Variants in ARHGEF12 observed in about 807,000 individuals in gnomAD.
The protein encoded by ARHGEF12 is Rho guanine nucleotide exchange factor 12.
Under a neutral mutation model 211.2 loss-of-function variants are expected in ARHGEF12, and 66 were observed. The observed-to-expected ratio is 0.31, with a 90% CI of 0.26 to 0.38. ARHGEF12 has a LOEUF of 0.38. Ranked by LOEUF, ARHGEF12 falls within the 10% of genes least tolerant of loss-of-function variation. The pLI is 1.00. For missense variants in ARHGEF12, 1,429 were observed against 1,869.5 expected, an observed-to-expected ratio of 0.76 and a Z score of 4.34; for synonymous variants, 592 against 638.4, an observed-to-expected ratio of 0.93 and a Z score of 1.09.
At chr11:120,403,992 C>T (rs1469569060) in intron 1 of ARHGEF12, among the ~76,000 whole-genome samples, 1 of 152,168 alleles carries the variant, frequency 6.6e-6, no homozygotes, top group Non-Finnish European at 1.5e-5. Flanking sequence ...ATCTTCCTTC[C>T]CTTCTGGGAC....
chr11:120,424,149 C>G lies in ARHGEF12; in HGVS notation c.349-209C>G, dbSNP rs148668389. On this transcript the variant is annotated intron_variant, in intron 6 of 40. Transcript: ENST00000397843. ...GTTGTACTGTTTTGTATGTCAAGGC[C>G]TCGGTTTATGTTTAAGTTCATTTTG... is the stretch of plus-strand genomic sequence containing the variant. Among the ~76,000 whole-genome samples, 336 of 151,954 alleles carry G rather than the reference C, an allele frequency of 2.2e-3. 1 individual carries two copies. In the Middle Eastern group the frequency reaches 0.027, roughly 12 times the overall value.
intron 26 of ARHGEF12, 90 bp from the exon 27 acceptor site, chr11:120,460,581 TA>T: frequency 9.5e-7 from 1 of 1,052,204 alleles, no homozygotes; most frequent in Non-Finnish European, 1.4e-6. Context: ...AAATCGTCTT[TA>T]TAAAAAAAAA....
chr11:120,348,734 G>A (rs1387943722), intron 1 of ARHGEF12, among the ~76,000 whole-genome samples: 3 of 152,072 alleles, frequency 2.0e-5, no homozygotes, highest in Non-Finnish European at 4.4e-5. Flanking sequence ...CCAGCTACTC[G>A]GGAGGCTGAG....
intron 1 of ARHGEF12, among the ~76,000 whole-genome samples, chr11:120,379,478 A>G (rs919498381): frequency 1.3e-5 from 2 of 151,772 alleles, no homozygotes; most frequent in Non-Finnish European, 2.9e-5. Flanking sequence ...CATTGTTCTC[A>G]ATCTTATGGA....
In ARHGEF12 at chr11:120,467,283, G is replaced by A; in HGVS notation, c.2829G>A (p.Leu943=). The A allele has an allele frequency of 6.2e-7, 1 of 1,612,164 alleles. No homozygotes were observed. Among genetic ancestry groups the A allele is most frequent in the Non-Finnish European group, 8.5e-7 (1 of 1,178,786 alleles). ...QMQRLTKYPL[L]LDNIAKYTEW... is the part of the protein sequence containing the mutation. Reference sequence around the variant, plus strand: ...AAAGGCTTACTAAGTACCCACTTCTGTTGGATAATATTGCCAAATACACAG... The same window carrying A: ...AAAGGCTTACTAAGTACCCACTTCTATTGGATAATATTGCCAAATACACAG... The change falls in exon 29 of 41, where the codon CTG becomes CTA. Residue 943 remains leucine, a synonymous_variant. Coordinates refer to ENST00000397843, the MANE Select transcript of ARHGEF12 (RefSeq NM_015313.3).
chr11:120,431,183 G>A (rs542601173), intron 10 of ARHGEF12, among the ~76,000 whole-genome samples: 48 of 152,104 alleles, frequency 3.2e-4, no homozygotes, highest in Admixed American at 1.2e-3. Context: ...CCAGCTACTC[G>A]GGAGGCTGAG....
intron 1 of ARHGEF12, among the ~76,000 whole-genome samples, chr11:120,344,097 C>T (rs965423019): frequency 4.6e-5 from 7 of 151,744 alleles, no homozygotes; most frequent in African/African-American, 1.7e-4. Flanking sequence ...GAAACCCTGT[C>T]TCTATTAAAA....
rs779795252 is a variant in ARHGEF12 at position 120,460,672 on chromosome 11, T to C, written c.2528T>C (p.Ile843Thr). Residue 843 changes from isoleucine (I) to threonine (T), a missense_variant and splice_region_variant, in exon 27 of 41, where the codon ATT becomes ACT. Physicochemically the swap from Ile to Thr is moderately conservative, Grantham distance 89. This residue lies in a region of ARHGEF12 where 223 missense variants were observed against 444.6 expected (regional missense o/e 0.50). Coordinates refer to ENST00000397843, the MANE Select transcript of ARHGEF12 (RefSeq NM_015313.3). ...SNLEDILQLH[I>T]GLNEQMKAVR... ...CGTTTTTCTATCTTTTTATCTTTAG[T>C]TGGATTGAATGAACAAATGAAGGCT... 1 of 1,612,318 alleles carries C rather than the reference T, an allele frequency of 6.2e-7. No homozygotes were observed. Among genetic ancestry groups the C allele is most frequent in the East Asian group, 2.2e-5 (1 of 44,826 alleles).
intron 11 of ARHGEF12, 83 bp from the exon 12 acceptor site, chr11:120,437,225 C>T (rs1945719546): frequency 2.2e-6 from 2 of 897,104 alleles, no homozygotes; most frequent in Admixed American, 2.6e-5. Context: ...AAATTCAGAA[C>T]AATTTTTTTT....
rs1591469066 is a variant in ARHGEF12 at position 120,336,548 on chromosome 11, T to C, written c.-696T>C. ...GGGGAGGAGCCGCCGCCTCTGGCGA[T>C]TGCGGAAGAGTCCGGGCCTCAAAGG... On this transcript the variant is annotated 5_prime_UTR_variant, in exon 1 of 41. Coordinates refer to ENST00000397843, the MANE Select transcript of ARHGEF12 (RefSeq NM_015313.3). Among the ~76,000 whole-genome samples, 1 of 151,806 alleles carries C rather than the reference T, an allele frequency of 6.6e-6. No individual in the cohort carries two copies. Among genetic ancestry groups the C allele is most frequent in the Non-Finnish European group, 1.5e-5 (1 of 67,874 alleles).
At chr11:120,453,705 G>A (rs1946278159) in intron 22 of ARHGEF12, among the ~76,000 whole-genome samples, 6 of 151,966 alleles carry the variant, frequency 3.9e-5, no homozygotes, top group Admixed American at 3.3e-4. Flanking sequence ...ATGACAGAAT[G>A]AGACCCTATC....
At chr11:120,379,530 T>C (rs1199207676) in intron 1 of ARHGEF12, among the ~76,000 whole-genome samples, 5 of 151,826 alleles carry the variant, frequency 3.3e-5, no homozygotes, top group Non-Finnish European at 7.4e-5. Context: ...TTTTTTTTTT[T>C]CCATACTCTA....
chr11:120,428,394 G>A (rs1591579341), intron 8 of ARHGEF12, 147 bp downstream of exon 8: 1 of 692,324 alleles, frequency 1.4e-6, no homozygotes, highest in Non-Finnish European at 2.1e-6. Context: ...TTACATAATA[G>A]GAATGATTAG....
rs1946913801 is a variant in ARHGEF12, at chr11:120,472,977, A to C, written c.2956-73A>C. 12 of 1,434,668 alleles carry C rather than the reference A, an allele frequency of 8.4e-6. No individual in the cohort carries two copies. The Middle Eastern group carries it at 8.9e-4, about 106-fold the overall frequency. 88.9% of individuals were successfully genotyped at this position (1,434,668 alleles called of 1,614,324 possible). A position where few individuals can be genotyped will look rare whatever the true frequency, so the allele number is the denominator to read the frequency against. ...GCCAAAATGGAGATTTTAAATGCCA[A>C]GTTTGATTCAGAAATAGAGAGGTCA... On this transcript the variant is annotated intron_variant, in intron 30 of 40. Coordinates refer to ENST00000397843, the MANE Select transcript of ARHGEF12 (RefSeq NM_015313.3).
intron 1 of ARHGEF12, among the ~76,000 whole-genome samples, chr11:120,360,801 AT>A (rs1943256410): frequency 6.6e-6 from 1 of 152,226 alleles, no homozygotes; most frequent in Non-Finnish European, 1.5e-5. Context: ...AATAGAAAAA[AT>A]ATGAATGATT....
intron 1 of ARHGEF12, among the ~76,000 whole-genome samples, chr11:120,394,042 A>G (rs1487712337): frequency 6.6e-6 from 1 of 152,190 alleles, no homozygotes; most frequent in Non-Finnish European, 1.5e-5. Flanking sequence ...AATATTGGAA[A>G]ATAACACAAT....
Position 120,477,531 on chromosome 11 carries a change from A to C in ARHGEF12, c.3532+5A>C, listed in dbSNP as rs1947082866. ...TCACTGGTTTGCAGAGTCCAGGTAC[A>C]CTCTTCTGAAGAGTTCAATGGAGAA... On this transcript the variant is annotated splice_donor_5th_base_variant and intron_variant, in intron 36 of 40. Coordinates refer to ENST00000397843, the MANE Select transcript of ARHGEF12 (RefSeq NM_015313.3). 1 of 1,610,302 alleles carries C rather than the reference A, an allele frequency of 6.2e-7. No individual in the cohort carries two copies. Among genetic ancestry groups the C allele is most frequent in the African/African-American group, 1.3e-5 (1 of 74,492 alleles).
chr11:120,345,202 C>T (rs548680219), intron 1 of ARHGEF12, among the ~76,000 whole-genome samples: 1 of 152,302 alleles, frequency 6.6e-6, no homozygotes, highest in East Asian at 1.9e-4. Context: ...AGGGGCTTTA[C>T]TGGCCCATCC....
At chr11:120,399,347 A>AAAAAAAAAG (rs1565453341) in intron 1 of ARHGEF12, among the ~76,000 whole-genome samples, 1 of 148,692 alleles carries the variant, frequency 6.7e-6, no homozygotes, top group African/African-American at 2.5e-5. Context: ...AAAAAAAAAA[A>AAAAAAAAAG]AAAAGAAAAG....
Sources: gnomAD v4.1 joint callset for allele counts (sites outside exome capture counted in the v4.1 genomes callset) on GRCh38, gnomAD v4.1.1 for gene constraint, gnomAD v4.1.1 regional missense constraint, MANE v1.5 for transcripts, NCBI Gene and HGNC (gene_info 2026-07-23, HGNC 2026-07-21) for gene names.